PRKAG2: variants seen among roughly 807,000 people sequenced by gnomAD.
The protein encoded by PRKAG2 is protein kinase AMP-activated non-catalytic subunit gamma 2.
Under a neutral mutation model 69.6 loss-of-function variants are expected in PRKAG2, and 26 were observed. That is an observed-to-expected ratio of 0.37 (90% CI 0.27 to 0.52). The LOEUF (loss-of-function observed/expected upper bound fraction) is 0.52. PRKAG2 is among the 20% of genes least tolerant of loss of function. PRKAG2 has a pLI of 0.90. For synonymous variants in PRKAG2, 293 were observed against 285.0 expected, an observed-to-expected ratio of 1.03 and a Z score of -0.28; for missense variants, 557 against 740.0, an observed-to-expected ratio of 0.75 and a Z score of 2.87.
intron 4 of PRKAG2, among the ~76,000 whole-genome samples, chr7:151,645,215 T>C (rs1827359799): frequency 6.6e-6 from 1 of 152,224 alleles, no homozygotes; most frequent in Non-Finnish European, 1.5e-5. Flanking sequence ...CTTCTGTCTA[T>C]ATACATAAGA....
intron 6 of PRKAG2, among the ~76,000 whole-genome samples, chr7:151,581,820 A>G (rs1253433842): frequency 2.6e-5 from 4 of 152,168 alleles, no homozygotes; most frequent in Non-Finnish European, 2.9e-5. Flanking sequence ...TCAGACTCAG[A>G]AAAAAACATC....
At chr7:151,607,878 C>T (rs73730215) in intron 5 of PRKAG2, among the ~76,000 whole-genome samples, 1,844 of 152,174 alleles carry the variant, frequency 0.012, 26 homozygotes, top group African/African-American at 0.042. Context: ...CAGTGGCCTC[C>T]GCAAAAAGAC....
At chr7:151,631,992 G>C in intron 5 of PRKAG2, 77 bp downstream of exon 5, 1 of 1,145,306 alleles carries the variant, frequency 8.7e-7, no homozygotes, top group Non-Finnish European at 1.1e-6. Context: ...GATGGGGCGC[G>C]GGGTCCCCGC....
chr7:151,707,215 G>A (rs927943457), intron 3 of PRKAG2, among the ~76,000 whole-genome samples: 11 of 152,182 alleles, frequency 7.2e-5, no homozygotes, highest in African/African-American at 2.7e-4. Context: ...TTGAGCTGCC[G>A]TTGTCCAGGC....
intron 1 of PRKAG2, among the ~76,000 whole-genome samples, chr7:151,862,634 A>C (rs959810010): frequency 6.6e-6 from 1 of 152,234 alleles, no homozygotes; most frequent in African/African-American, 2.4e-5. Context: ...CCATCTTTAA[A>C]GGAGCTTATG....
At chr7:151,803,863 G>A (rs2077965498) in intron 1 of PRKAG2, among the ~76,000 whole-genome samples, 1 of 150,946 alleles carries the variant, frequency 6.6e-6, no homozygotes, top group African/African-American at 2.4e-5. Context: ...ATTTGAACCT[G>A]GGAGGCAGAG....
chr7:151,658,156 C>CATAAATAA (rs763621170), intron 4 of PRKAG2, among the ~76,000 whole-genome samples: 37,097 of 120,510 alleles, frequency 0.31, 6,365 homozygotes, highest in East Asian at 0.39. Context: ...GAGTCCGTCT[C>CATAAATAA]ATAAATAAAT....
chr7:151,576,655 C>T (rs1809017982), intron 6 of PRKAG2, among the ~76,000 whole-genome samples: 1 of 152,170 alleles, frequency 6.6e-6, no homozygotes, highest in African/African-American at 2.4e-5. Flanking sequence ...CATGTGCCAC[C>T]ATGCCCGGCT....
intron 14 of PRKAG2, 35 bp from the exon 15 acceptor site, chr7:151,560,652 C>G: frequency 6.2e-7 from 1 of 1,613,078 alleles, no homozygotes; most frequent in Non-Finnish European, 8.5e-7. Context: ...TGAAAATTAA[C>G]ATTTAAAAAA....
chr7:151,818,131 T>A (rs1488960869), intron 1 of PRKAG2, among the ~76,000 whole-genome samples: 1 of 152,146 alleles, frequency 6.6e-6, no homozygotes, highest in Admixed American at 6.5e-5. Context: ...GAGCCAGACA[T>A]TGGGGCCTTA....
chr7:151,708,087 G>A (rs935108608), intron 3 of PRKAG2, among the ~76,000 whole-genome samples: 2 of 152,210 alleles, frequency 1.3e-5, no homozygotes, highest in African/African-American at 4.8e-5. Flanking sequence ...GAAAGCTGGG[G>A]AAATGGAAGT....
intron 15 of PRKAG2, chr7:151,559,108 T>A (rs1434152940): frequency 3.0e-6 from 3 of 985,294 alleles, no homozygotes; most frequent in Non-Finnish European, 3.6e-6. Flanking sequence ...TTAGCACAAA[T>A]GTGCTGTGCA....
At chr7:151,609,926 A>T (rs1585203547) in intron 5 of PRKAG2, among the ~76,000 whole-genome samples, 1 of 152,146 alleles carries the variant, frequency 6.6e-6, no homozygotes, top group East Asian at 1.9e-4. Flanking sequence ...GACTGCAGAC[A>T]CACCTCTCCT....
At chr7:151,735,836 A>G (rs1289880693) in intron 3 of PRKAG2, 5 of 1,530,224 alleles carry the variant, frequency 3.3e-6, no homozygotes, top group African/African-American at 2.7e-5. Flanking sequence ...GGGTGTGCAC[A>G]CACGCCGTGG....
chr7:151,785,494 G>A (rs1166734153), intron 2 of PRKAG2, among the ~76,000 whole-genome samples: 1 of 152,222 alleles, frequency 6.6e-6, no homozygotes, highest in East Asian at 1.9e-4. Context: ...GGGTGGGGAG[G>A]GCACTGGCAC....
intron 3 of PRKAG2, among the ~76,000 whole-genome samples, chr7:151,678,719 G>T (rs567733328): frequency 1.3e-5 from 2 of 152,354 alleles, no homozygotes; most frequent in Admixed American, 6.5e-5. Context: ...AGCATTTCAG[G>T]AGGCTGAAGT....
intron 5 of PRKAG2, among the ~76,000 whole-genome samples, chr7:151,617,589 T>A (rs1395404730): frequency 6.6e-6 from 1 of 152,234 alleles, no homozygotes; most frequent in Non-Finnish European, 1.5e-5. Flanking sequence ...ATTAGAATAC[T>A]TTTATTATTG....
chr7:151,876,045 C>G (rs1166694490), intron 1 of PRKAG2, among the ~76,000 whole-genome samples: 1 of 148,604 alleles, frequency 6.7e-6, no homozygotes, highest in Non-Finnish European at 1.5e-5. Flanking sequence ...ACCCCCGCCC[C>G]GCTGCTTTCC....
intron 3 of PRKAG2, among the ~76,000 whole-genome samples, chr7:151,767,176 C>T (rs949418852): frequency 1.3e-5 from 2 of 152,220 alleles, no homozygotes; most frequent in Admixed American, 1.3e-4. Flanking sequence ...ATGACCAGCA[C>T]AGACCAGGAG....
Sources: gnomAD v4.1 joint callset for allele counts (sites outside exome capture counted in the v4.1 genomes callset) on GRCh38, gnomAD v4.1.1 for gene constraint, MANE v1.5 for transcripts, NCBI Gene and HGNC (gene_info 2026-07-23, HGNC 2026-07-21) for gene names.